ITFG1: variants seen among roughly 807,000 people sequenced by gnomAD.
ITFG1 encodes the protein T-cell immunomodulatory protein.
A neutral mutation model predicts 81.8 loss-of-function variants in ITFG1; 34 were observed. The ratio of observed to expected loss-of-function variants is 0.42; its 90% confidence interval spans 0.32 to 0.55. ITFG1 has a LOEUF of 0.55. Among genes scored for constraint, ITFG1 ranks in the 20% least tolerant of loss-of-function variants. The pLI is 0.17. For missense variants in ITFG1, 672 were observed against 755.4 expected (o/e 0.89, Z 1.29); for synonymous variants, 285 against 270.6 (o/e 1.05, Z -0.52).
At chr16:47,443,094 A>C (rs567780747) in intron 5 of ITFG1, among the ~76,000 whole-genome samples, 1 of 152,380 alleles carries the variant, frequency 6.6e-6, no homozygotes, top group African/African-American at 2.4e-5. Context: ...AAAGGGCATG[A>C]ACAGACACTT....
At chr16:47,350,184 G>A (rs1185026769) in intron 8 of ITFG1, among the ~76,000 whole-genome samples, 1 of 152,120 alleles carries the variant, frequency 6.6e-6, no homozygotes, top group African/African-American at 2.4e-5. Flanking sequence ...ACATTCAAAA[G>A]CTAGCAGAAG....
chr16:47,355,683 AC>A (rs1968030304), intron 8 of ITFG1, among the ~76,000 whole-genome samples: 1 of 152,178 alleles, frequency 6.6e-6, no homozygotes, highest in South Asian at 2.1e-4. Context: ...ATTTACAAAA[AC>A]CTACAAAAAA....
At chr16:47,246,696 T>C (rs17811111) in intron 12 of ITFG1, among the ~76,000 whole-genome samples, 38 of 152,310 alleles carry the variant, frequency 2.5e-4, no homozygotes, top group South Asian at 8.3e-4. Context: ...TAGGAAAATA[T>C]GTCTTTAGCT....
At chr16:47,165,211 GTTAA>G (rs1964874289) in intron 14 of ITFG1, among the ~76,000 whole-genome samples, 1 of 152,044 alleles carries the variant, frequency 6.6e-6, no homozygotes, top group Admixed American at 6.5e-5. Context: ...AAATGACAAA[GTTAA>G]TTAATATATA....
chr16:47,399,650 C>T lies in ITFG1; in HGVS notation c.656-23710G>A, dbSNP rs570094292. ...CTACAATAAATTCTCCCTTCCATTT[C>T]GTGCAGAATACACTTATAAAGCATA... is the stretch of plus-strand genomic sequence containing the variant. On this transcript the variant is annotated intron_variant, in intron 6 of 17. Transcript: ENST00000320640. 4.0e-5 allele frequency among the ~76,000 whole-genome samples: 6 copies of T among 151,880 alleles called. No homozygotes were observed. In the East Asian group the frequency reaches 5.8e-4, roughly 15 times the overall value.
In ITFG1 at chr16:47,219,867, G is replaced by C. The variant is rs559610431; in HGVS notation, c.1375-921C>G. Among the ~76,000 whole-genome samples the C allele has an allele frequency of 5.9e-5, 9 of 152,220 alleles. No homozygotes were observed. The South Asian group carries it at 1.9e-3, about 32-fold the overall frequency. Reference sequence around the variant, plus strand: ...GAGAAAATAGGTTGCTATAAGGATGGAATTACTCATAAGACATTACTAATT... The same window carrying C: ...GAGAAAATAGGTTGCTATAAGGATGCAATTACTCATAAGACATTACTAATT... On this transcript the variant is annotated intron_variant, in intron 13 of 17. Transcript: ENST00000320640.
chr16:47,370,424 G>A (rs1371772614), intron 7 of ITFG1, among the ~76,000 whole-genome samples: 1 of 152,156 alleles, frequency 6.6e-6, no homozygotes, highest in Non-Finnish European at 1.5e-5. Context: ...CCTGCTTTTG[G>A]GTAGGGGCTG....
chr16:47,434,184 C>T (rs1216487250), intron 5 of ITFG1, among the ~76,000 whole-genome samples: 1 of 151,404 alleles, frequency 6.6e-6, no homozygotes, highest in Non-Finnish European at 1.5e-5. Flanking sequence ...AACAGCATTA[C>T]AAGAAAAGTA....
chr16:47,389,722 C>T (rs189856106), intron 6 of ITFG1, among the ~76,000 whole-genome samples: 1 of 152,224 alleles, frequency 6.6e-6, no homozygotes, highest in Admixed American at 6.5e-5. Flanking sequence ...TAAGTTAGTA[C>T]ATATCTGAAG....
At chr16:47,314,805 C>T (rs530759787) in intron 8 of ITFG1, among the ~76,000 whole-genome samples, 2 of 152,136 alleles carry the variant, frequency 1.3e-5, no homozygotes, top group South Asian at 2.1e-4. Flanking sequence ...TTATTTAACT[C>T]GTGCCTGAGG....
intron 14 of ITFG1, among the ~76,000 whole-genome samples, chr16:47,212,993 C>G (rs1034990256): frequency 6.6e-6 from 1 of 152,120 alleles, no homozygotes; most frequent in Admixed American, 6.5e-5. Context: ...TGGGTGCTTA[C>G]GTTATTAATC....
At chr16:47,266,858 T>A in intron 10 of ITFG1, among the ~76,000 whole-genome samples, 1 of 152,190 alleles carries the variant, frequency 6.6e-6, no homozygotes, top group Non-Finnish European at 1.5e-5. Context: ...TATAACAAAA[T>A]TCTATTTGGC....
At chr16:47,197,851 G>A (rs961204184) in intron 14 of ITFG1, among the ~76,000 whole-genome samples, 2 of 152,204 alleles carry the variant, frequency 1.3e-5, no homozygotes, top group African/African-American at 2.4e-5. Context: ...CCAGAAACGT[G>A]AGGGGATCTT....
At chr16:47,221,348 G>A (rs1001416070) in intron 13 of ITFG1, among the ~76,000 whole-genome samples, 1 of 151,988 alleles carries the variant, frequency 6.6e-6, no homozygotes, top group African/African-American at 2.4e-5. Context: ...TAATCATGTG[G>A]TTTTTGTCTT....
intron 8 of ITFG1, among the ~76,000 whole-genome samples, chr16:47,352,122 C>G (rs1190350035): frequency 6.6e-6 from 1 of 152,160 alleles, no homozygotes; most frequent in Non-Finnish European, 1.5e-5. Context: ...AAAACCTAGA[C>G]AATACCATTC....
intron 6 of ITFG1, among the ~76,000 whole-genome samples, chr16:47,399,639 CCCTT>C (rs1968635621): frequency 6.6e-6 from 1 of 151,892 alleles, no homozygotes; most frequent in Non-Finnish European, 1.5e-5. Context: ...AATAAATTCT[CCCTT>C]CCATTTCGTG....
At chr16:47,187,951 A>T (rs1007702806) in intron 14 of ITFG1, among the ~76,000 whole-genome samples, 1 of 152,128 alleles carries the variant, frequency 6.6e-6, no homozygotes, top group Non-Finnish European at 1.5e-5. Context: ...AAGTGGGCGA[A>T]GGACATGAAC....
chr16:47,422,770 T>G (rs192194998), intron 6 of ITFG1, among the ~76,000 whole-genome samples: 1 of 152,318 alleles, frequency 6.6e-6, no homozygotes, highest in East Asian at 1.9e-4. Flanking sequence ...TTTTCCAGTT[T>G]TTTTTTCCCA....
chr16:47,349,557 C>G (rs368894179), intron 8 of ITFG1, among the ~76,000 whole-genome samples: 10 of 150,132 alleles, frequency 6.7e-5, no homozygotes, highest in African/African-American at 2.2e-4. Context: ...CAGATTCATA[C>G]AGCAAGTCCT....
Sources: allele counts gnomAD v4.1 joint callset (sites outside exome capture counted in the v4.1 genomes callset), GRCh38; gene constraint gnomAD v4.1.1; transcripts MANE v1.5; gene names NCBI Gene and HGNC (gene_info 2026-07-23, HGNC 2026-07-21).